The following CPNE5 variants were observed in gnomAD, a reference collection of about 807,000 sequenced individuals.
CPNE5 encodes copine 5, also known as copine-5.
CPNE5 carries 42 observed loss-of-function variants against 81.1 expected under a neutral mutation model. The observed-to-expected ratio is 0.52, with a 90% CI of 0.40 to 0.67. The LOEUF (loss-of-function observed/expected upper bound fraction) is 0.67. Ranked by LOEUF, CPNE5 falls within the 30% of genes least tolerant of loss-of-function variation. The pLI, the probability that CPNE5 is intolerant of heterozygous loss-of-function variation, is 0.00. For synonymous variants in CPNE5, 313 were observed against 321.5 expected (o/e 0.97, Z 0.28); for missense variants, 612 against 815.5 (o/e 0.75, Z 3.04).
chr6:36,771,641 C>T (rs1265967550), intron 10 of CPNE5, among the ~76,000 whole-genome samples: 1 of 152,180 alleles, frequency 6.6e-6, no homozygotes, highest in Non-Finnish European at 1.5e-5. Flanking sequence ...TGCCTGGGGC[C>T]TGACTGGCTT....
chr6:36,776,349 G>GC (rs1273550227), intron 9 of CPNE5, among the ~76,000 whole-genome samples: 1 of 152,236 alleles, frequency 6.6e-6, no homozygotes, highest in African/African-American at 2.4e-5. Context: ...ATGGCTTAGC[G>GC]TTTTTCTTCT....
At chr6:36,781,815 C>T (rs1311133623) in intron 8 of CPNE5, among the ~76,000 whole-genome samples, 1 of 152,198 alleles carries the variant, frequency 6.6e-6, no homozygotes, top group Non-Finnish European at 1.5e-5. Context: ...TGTGACTACA[C>T]AGGCCACACG....
intron 18 of CPNE5, 84 bp from the exon 19 acceptor site, chr6:36,744,409 G>T: frequency 9.5e-7 from 1 of 1,051,716 alleles, no homozygotes; most frequent in Non-Finnish European, 1.4e-6. Flanking sequence ...GGTAGGACAG[G>T]AAGGGGTGGG....
chr6:36,798,487 C>G lies in CPNE5; in HGVS notation c.295G>C (p.Val99Leu). ...KQNLRFDLYD[V>L]DSKSPDLSKH... ...GATAAATCAGGACTCTTAGAGTCAACGTCGTATCTGCAGGGAACACAGAGA... is the reference window on the plus strand; with the variant it reads ...GATAAATCAGGACTCTTAGAGTCAAGGTCGTATCTGCAGGGAACACAGAGA... The change falls in exon 5 of 21, where the codon GTT (valine) becomes CTT (leucine). Residue 99 changes from valine (V) to leucine (L), a missense_variant. Val to Leu is a conservative substitution (Grantham distance 32). Transcript: ENST00000244751. 1 of 1,613,990 alleles carries G rather than the reference C, an allele frequency of 6.2e-7. No individual in the cohort carries two copies. The highest frequency in any genetic ancestry group is 8.5e-7 in the Non-Finnish European group (1 of 1,179,862).
At position 36,746,539 on chromosome 6, in the gene CPNE5, G is replaced by C; in HGVS notation, c.1057C>G (p.Pro353Ala). Reference protein sequence around the residue: ...SQSTSLHYMSPYQLNAYALAL... With the variant: ...SQSTSLHYMSAYQLNAYALAL... Reference sequence around the variant, plus strand: ...AGCGCGTAGGCGTTCAGCTGGTAGGGGCTCATGTAGTGCAGGGATGTGGAC... The same window carrying C: ...AGCGCGTAGGCGTTCAGCTGGTAGGCGCTCATGTAGTGCAGGGATGTGGAC... Residue 353 changes from proline (P) to alanine (A), a missense_variant, in exon 16 of 21, where the codon CCC becomes GCC. Physicochemically the swap from Pro to Ala is conservative, Grantham distance 27 (BLOSUM62 -1). Transcript: ENST00000244751. The surrounding 1 kb of genome is among the most constrained non-coding windows in gnomAD (Gnocchi z 4.5). 6.2e-7 allele frequency: 1 copy of C among 1,613,690 alleles called. No homozygotes were observed. Among genetic ancestry groups the C allele is most frequent in the Non-Finnish European group, 8.5e-7 (1 of 1,179,728 alleles).
At chr6:36,743,649 T>C in intron 20 of CPNE5, 40 bp downstream of exon 20, 2 of 1,588,422 alleles carry the variant, frequency 1.3e-6, no homozygotes, top group Non-Finnish European at 1.7e-6. Context: ...CTAGAGGGGC[T>C]CTTGAATTTC....
In CPNE5 at chr6:36,831,213, C is replaced by T. The variant is rs555552825; in HGVS notation, c.95+8070G>A. ...GGGATTACAGGCACATACCACCACA[C>T]CCGGCTAATTTTTGTATTTTCAGTA... On this transcript the variant is annotated intron_variant, in intron 1 of 20. Coordinates refer to ENST00000244751, the MANE Select transcript of CPNE5 (RefSeq NM_020939.2). Among the ~76,000 whole-genome samples, 5 of 151,912 alleles carry T rather than the reference C, an allele frequency of 3.3e-5. No homozygotes were observed. The South Asian group carries it at 8.3e-4, about 25-fold the overall frequency.
intron 10 of CPNE5, among the ~76,000 whole-genome samples, chr6:36,770,867 A>T (rs992136579): frequency 4.6e-5 from 7 of 152,008 alleles, no homozygotes; most frequent in Admixed American, 3.9e-4. Flanking sequence ...TAATTTTTTT[A>T]AAAATGGGTT....
chr6:36,744,555 G>C (rs563159511), intron 18 of CPNE5: 2 of 584,530 alleles, frequency 3.4e-6, no homozygotes, highest in African/African-American at 3.7e-5. Context: ...GTGGCAGGGG[G>C]AATGGGTCAT....
intron 14 of CPNE5, among the ~76,000 whole-genome samples, chr6:36,749,224 C>T (rs1027301144): frequency 3.3e-5 from 5 of 152,086 alleles, no homozygotes; most frequent in African/African-American, 1.2e-4. Flanking sequence ...GTGTGAGCCA[C>T]CACATCTGGC....
intron 3 of CPNE5, among the ~76,000 whole-genome samples, chr6:36,803,964 G>T (rs1770361526): frequency 6.6e-6 from 1 of 152,128 alleles, no homozygotes; most frequent in African/African-American, 2.4e-5. Flanking sequence ...GAATACAGCA[G>T]GAGGAAGGAA....
chr6:36,747,377 T>C (rs909719924), intron 15 of CPNE5, among the ~76,000 whole-genome samples: 8 of 152,226 alleles, frequency 5.3e-5, no homozygotes, highest in African/African-American at 1.7e-4. Flanking sequence ...AGTTATGTGA[T>C]CTTGGGTAAG....
At chr6:36,788,991 A>G (rs528773203) in intron 8 of CPNE5, among the ~76,000 whole-genome samples, 174 of 152,220 alleles carry the variant, frequency 1.1e-3, no homozygotes, top group Non-Finnish European at 2.1e-3. Context: ...TCTGGTGAAA[A>G]ATCATCTCTC....
At chr6:36,819,520 A>C (rs983478093) in intron 3 of CPNE5, among the ~76,000 whole-genome samples, 5 of 152,204 alleles carry the variant, frequency 3.3e-5, no homozygotes, top group Admixed American at 1.3e-4. Context: ...GACTGGGGGC[A>C]GAGGGAGACA....
At chr6:36,770,356 G>A (rs916301) in intron 10 of CPNE5, among the ~76,000 whole-genome samples, 11,654 of 152,168 alleles carry the variant, frequency 0.077, 540 homozygotes, top group East Asian at 0.17. Flanking sequence ...CACTAGACCC[G>A]GCTCCTAGGG....
rs188439122 is a variant in CPNE5 at position 36,789,446 on chromosome 6, T to C, written c.528+2587A>G. 3.3e-4 allele frequency among the ~76,000 whole-genome samples: 51 copies of C among 152,332 alleles called. 1 individual carries two copies. The highest frequency in any genetic ancestry group is 2.9e-3 in the Admixed American group (45 of 15,306). ...GCGCTTTCATGTATGTGACTTTATT[T>C]GGTTATAAACTAGGAAGAAAGTCAC... On this transcript the variant is annotated intron_variant, in intron 8 of 20. Transcript: ENST00000244751.
chr6:36,829,474 G>T (rs1198276495), intron 1 of CPNE5, among the ~76,000 whole-genome samples: 1 of 152,008 alleles, frequency 6.6e-6, no homozygotes, highest in Non-Finnish European at 1.5e-5. Context: ...TCCAGCCTGG[G>T]TGACAGAGCG....
chr6:36,785,350 G>C (rs946691737), intron 8 of CPNE5, among the ~76,000 whole-genome samples: 2 of 151,812 alleles, frequency 1.3e-5, no homozygotes, highest in East Asian at 1.9e-4. Context: ...TCAAAATTTC[G>C]GTCATCAAAA....
chr6:36,759,411 C>T (rs905451604), intron 12 of CPNE5, among the ~76,000 whole-genome samples: 2 of 148,308 alleles, frequency 1.3e-5, no homozygotes, highest in African/African-American at 2.5e-5. Flanking sequence ...GGTGGTCAGG[C>T]GGGGACAGGA....
Sources: gnomAD v4.1 joint callset for allele counts (sites outside exome capture counted in the v4.1 genomes callset) on GRCh38, gnomAD v4.1.1 for gene constraint, Gnocchi (gnomAD v3.1) non-coding constraint, MANE v1.5 for transcripts, NCBI Gene and HGNC (gene_info 2026-07-23, HGNC 2026-07-21) for gene names.